FAM171A1: variants seen among roughly 807,000 people sequenced by gnomAD.
FAM171A1 encodes the protein protein FAM171A1.
Under a neutral mutation model 74.9 loss-of-function variants are expected in FAM171A1, and 23 were observed. The ratio of observed to expected loss-of-function variants is 0.31; its 90% CI spans 0.22 to 0.44. The LOEUF is 0.44. FAM171A1 is among the 20% of genes least tolerant of loss of function. The pLI, the probability that FAM171A1 is intolerant of heterozygous loss-of-function variation, is 1.00. For missense variants in FAM171A1, 1,162 were observed against 1,159.2 expected, an observed-to-expected ratio of 1.00 and a Z score of -0.03; for synonymous variants, 527 against 505.7, an observed-to-expected ratio of 1.04 and a Z score of -0.57.
chr10:15,241,963 AC>A (rs1198016328), intron 5 of FAM171A1, among the ~76,000 whole-genome samples: 1 of 151,608 alleles, frequency 6.6e-6, no homozygotes, highest in African/African-American at 2.4e-5. Flanking sequence ...AGTTGGCCAA[AC>A]CCAATTTAGA....
chr10:15,323,223 G>A (rs1456965963), intron 1 of FAM171A1, among the ~76,000 whole-genome samples: 1 of 151,516 alleles, frequency 6.6e-6, no homozygotes, highest in Non-Finnish European at 1.5e-5. Flanking sequence ...GGGAGGTTGA[G>A]GCAGGTGGAT....
chr10:15,236,098 G>T (rs796770311), intron 5 of FAM171A1, among the ~76,000 whole-genome samples: 1 of 152,112 alleles, frequency 6.6e-6, no homozygotes, highest in African/African-American at 2.4e-5. Context: ...GAACTTTAAA[G>T]TTATTTGGAA....
Position 15,213,625 on chromosome 10 carries a change from C to G in FAM171A1, c.1963G>C (p.Glu655Gln). Reference protein sequence around the residue: ...QQHLQDAGTREWSPQNASMSE... With the variant: ...QQHLQDAGTRQWSPQNASMSE... ...ATGGATGCGTTCTGAGGGCTCCACTCCCGGGTGCCCGCATCCTGCAGGTGC... is the reference window on the plus strand; with the variant it reads ...ATGGATGCGTTCTGAGGGCTCCACTGCCGGGTGCCCGCATCCTGCAGGTGC... The change falls in exon 8 of 8, where the codon GAG becomes CAG. Residue 655 changes from glutamate to glutamine, a missense_variant. By Grantham distance (29) the Glu-to-Gln change is conservative. Transcript: ENST00000378116. This position sits in a 1 kb window ranked among gnomAD's most constrained non-coding sequence, Gnocchi z 6.8. The G allele has an allele frequency of 6.2e-7, 1 of 1,614,160 alleles. No individual in the cohort carries two copies. The highest frequency in any genetic ancestry group is 8.5e-7 in the Non-Finnish European group (1 of 1,180,024).
At chr10:15,315,763 T>C (rs1835414657) in intron 1 of FAM171A1, among the ~76,000 whole-genome samples, 1 of 152,182 alleles carries the variant, frequency 6.6e-6, no homozygotes, top group Admixed American at 6.5e-5. Context: ...GCTCAGGCCT[T>C]AAGAAGCTCT....
At chr10:15,350,774 C>A (rs899131848) in intron 1 of FAM171A1, among the ~76,000 whole-genome samples, 1 of 152,116 alleles carries the variant, frequency 6.6e-6, no homozygotes, top group Non-Finnish European at 1.5e-5. Flanking sequence ...TCCCCAGTAG[C>A]TGGAATTACA....
chr10:15,365,158 C>T (rs1032412648), intron 1 of FAM171A1, among the ~76,000 whole-genome samples: 13 of 152,172 alleles, frequency 8.5e-5, no homozygotes, highest in African/African-American at 2.7e-4. Context: ...CCCCAAGACT[C>T]TTCGGGCACT....
chr10:15,258,571 C>G (rs915710797), intron 3 of FAM171A1, among the ~76,000 whole-genome samples: 1 of 152,178 alleles, frequency 6.6e-6, no homozygotes, highest in Non-Finnish European at 1.5e-5. Flanking sequence ...TCCCCATAAG[C>G]GAATGCCTTC....
At chr10:15,263,026 C>T (rs1834680259) in intron 3 of FAM171A1, among the ~76,000 whole-genome samples, 1 of 152,184 alleles carries the variant, frequency 6.6e-6, no homozygotes, top group Non-Finnish European at 1.5e-5. Context: ...CTGGGAAAAG[C>T]TTCCCACAGC....
chr10:15,254,223 G>C lies in FAM171A1; in HGVS notation c.577+498C>G, dbSNP rs1834545914. Among the ~76,000 whole-genome samples, 4 of 152,166 alleles carry C rather than the reference G, an allele frequency of 2.6e-5. No individual in the cohort carries two copies. The South Asian group carries it at 8.3e-4, about 32-fold the overall frequency. ...CATGCCGGTGGGGCATGGAGCCAAG[G>C]TATGCCTGTCTCTGAGTTGGACCAA... is the stretch of plus-strand genomic sequence containing the variant. On this transcript the variant is annotated intron_variant, in intron 4 of 7. Coordinates refer to ENST00000378116, the MANE Select transcript of FAM171A1 (RefSeq NM_001010924.2).
intron 1 of FAM171A1, among the ~76,000 whole-genome samples, chr10:15,363,497 G>A (rs896382734): frequency 2.6e-5 from 4 of 152,120 alleles, no homozygotes; most frequent in African/African-American, 4.8e-5. Context: ...CAAGGTCATC[G>A]GCCTTAAAAT....
chr10:15,274,913 T>C lies in FAM171A1; in HGVS notation c.418+942A>G, dbSNP rs547054286. On this transcript the variant is annotated intron_variant, in intron 3 of 7. Transcript: ENST00000378116. ...GTGGCACATGTACACCATGGAATAC[T>C]ATGCAGCCATAAAAAATGATGAGTT... Among the ~76,000 whole-genome samples, 264 of 152,306 alleles carry C rather than the reference T, an allele frequency of 1.7e-3. 3 individuals are homozygous for C. In the South Asian group the frequency reaches 0.02, roughly 11 times the overall value.
At chr10:15,287,099 T>C (rs1199678282) in intron 1 of FAM171A1, among the ~76,000 whole-genome samples, 2 of 150,070 alleles carry the variant, frequency 1.3e-5, no homozygotes, top group Admixed American at 1.3e-4. Flanking sequence ...TTCTTTTTTT[T>C]TTTTTTTTTT....
rs1833917255 is a variant in FAM171A1, at chr10:15,213,264, T to C, written c.2324A>G (p.Lys775Arg). The C allele has an allele frequency of 6.2e-7, 1 of 1,614,072 alleles. No homozygotes were observed. The highest frequency in any genetic ancestry group is 8.5e-7 in the Non-Finnish European group (1 of 1,180,016). ...NYPPVQEHQQKEPRAPDSTAY... is the reference protein window; with the variant it reads ...NYPPVQEHQQREPRAPDSTAY... ...CGTGCTGTCTGGGGCTCGAGGCTCT[T>C]TCTGCTGGTGCTCTTGGACGGGCGG... Residue 775 changes from lysine (K) to arginine (R), a missense_variant, in exon 8 of 8, where the codon AAA (lysine) becomes AGA (arginine). Physicochemically the swap from Lys to Arg is conservative, Grantham distance 26 (BLOSUM62 2). Coordinates refer to ENST00000378116, the MANE Select transcript of FAM171A1 (RefSeq NM_001010924.2). The surrounding 1 kb of genome is among the most constrained non-coding windows in gnomAD (Gnocchi z 6.8).
Position 15,213,912 on chromosome 10 carries a change from T to C in FAM171A1, c.1676A>G (p.Gln559Arg). Reference protein sequence around the residue: ...ERPTSFPRPGQLICCSSVDQV... With the variant: ...ERPTSFPRPGRLICCSSVDQV... ...GTCGACAGAACTGCAGCAGATTAAC[T>C]GGCCGGGCCGTGGGAAGGACGTAGG... The change falls in exon 8 of 8, where the codon CAG becomes CGG. Residue 559 changes from glutamine (Q) to arginine (R), a missense_variant. Coordinates refer to ENST00000378116, the MANE Select transcript of FAM171A1 (RefSeq NM_001010924.2). The surrounding 1 kb of genome is among the most constrained non-coding windows in gnomAD (Gnocchi z 6.8). 6.2e-7 allele frequency: 1 copy of C among 1,614,170 alleles called. No homozygotes were observed. The highest frequency in any genetic ancestry group is 8.5e-7 in the Non-Finnish European group (1 of 1,180,024).
intron 1 of FAM171A1, among the ~76,000 whole-genome samples, chr10:15,361,644 T>C (rs1455687126): frequency 1.3e-5 from 2 of 152,062 alleles, no homozygotes; most frequent in Non-Finnish European, 2.9e-5. Flanking sequence ...GATTATGCCA[T>C]GGCACTCCAG....
intron 1 of FAM171A1, among the ~76,000 whole-genome samples, chr10:15,333,696 G>A (rs1159639638): frequency 1.3e-5 from 2 of 151,966 alleles, no homozygotes; most frequent in Admixed American, 1.3e-4. Context: ...GCTGGGTGTG[G>A]TGGCATAGGC....
At chr10:15,334,498 T>C (rs1263487992) in intron 1 of FAM171A1, among the ~76,000 whole-genome samples, 2 of 152,262 alleles carry the variant, frequency 1.3e-5, no homozygotes, top group Non-Finnish European at 2.9e-5. Context: ...CAACTCAACA[T>C]GTGCTTGCAG....
chr10:15,288,813 CTTTTTTTTTTTTT>C (rs71505064), intron 1 of FAM171A1, among the ~76,000 whole-genome samples: 2,109 of 73,738 alleles, frequency 0.029, 101 homozygotes, highest in African/African-American at 0.097. Context: ...TTCGGTAATT[CTTTTTTTTTTTTT>C]TTTTTTTTTT....
chr10:15,304,566 C>A (rs1307438752), intron 1 of FAM171A1, among the ~76,000 whole-genome samples: 1 of 152,188 alleles, frequency 6.6e-6, no homozygotes, highest in Non-Finnish European at 1.5e-5. Flanking sequence ...TTGTCCATTC[C>A]TTCCTGAAAA....
Sources: gnomAD v4.1 joint callset for allele counts (sites outside exome capture counted in the v4.1 genomes callset) on GRCh38, gnomAD v4.1.1 for gene constraint, Gnocchi (gnomAD v3.1) non-coding constraint, MANE v1.5 for transcripts, NCBI Gene and HGNC (gene_info 2026-07-23, HGNC 2026-07-21) for gene names.